The following SLC14A2 variants were observed in gnomAD, a reference collection of about 807,000 sequenced individuals.
SLC14A2 encodes the protein solute carrier family 14 member 2, also known as urea transporter 2.
A neutral mutation model predicts 104.6 loss-of-function variants in SLC14A2; 91 were observed. The observed-to-expected ratio is 0.87, with a 90% CI of 0.73 to 1.04. The LOEUF (loss-of-function observed/expected upper bound fraction) is 1.04, where lower values mean the gene tolerates loss of function less well. SLC14A2 is among the 50% of genes least tolerant of loss of function. The pLI, the probability that SLC14A2 is intolerant of heterozygous loss-of-function variation, is 0.00. For synonymous variants in SLC14A2, 476 were observed against 466.4 expected (o/e 1.02, Z -0.27); for missense variants, 1,189 against 1,156.0 (o/e 1.03, Z -0.41).
intron 1 of SLC14A2, among the ~76,000 whole-genome samples, chr18:45,314,428 C>A (rs1210312562): frequency 6.6e-6 from 1 of 152,178 alleles, no homozygotes; most frequent in Non-Finnish European, 1.5e-5. Context: ...CATGATAATG[C>A]AACCTCACAT....
At chr18:45,344,851 CT>C (rs1373703787) in intron 1 of SLC14A2, among the ~76,000 whole-genome samples, 1 of 152,202 alleles carries the variant, frequency 6.6e-6, no homozygotes, top group African/African-American at 2.4e-5. Context: ...ACCCCTCATG[CT>C]CTCACTATTG....
intron 1 of SLC14A2, among the ~76,000 whole-genome samples, chr18:45,476,637 C>G (rs1000531612): frequency 1.3e-5 from 2 of 152,054 alleles, no homozygotes; most frequent in Non-Finnish European, 2.9e-5. Context: ...TAGGTTTGGT[C>G]TTTTCACATA....
chr18:45,673,698 C>A lies in SLC14A2; in HGVS notation c.2393C>A (p.Thr798Lys), dbSNP rs769428059. The A allele has an allele frequency of 3.1e-6, 5 of 1,614,060 alleles. No homozygotes were observed. Among genetic ancestry groups the A allele is most frequent in the Non-Finnish European group, 8.5e-7 (1 of 1,179,938 alleles). ...MGMLAALTIA[T>K]PFDSIYFGLC... ...TCTGTCACAGCACTCACTATTGCGA[C>A]GCCCTTTGACTCCATCTACTTCGGC... Residue 798 changes from threonine (T) to lysine (K), a missense_variant, in exon 18 of 20, where the codon ACG becomes AAG. Thr to Lys is a moderately conservative substitution (Grantham distance 78). Coordinates refer to ENST00000255226, the MANE Select transcript of SLC14A2 (RefSeq NM_007163.4).
chr18:45,278,032 A>G lies in SLC14A2; in HGVS notation c.-125+64841A>G, dbSNP rs147798557. Among the ~76,000 whole-genome samples, 155 of 152,246 alleles carry G rather than the reference A, an allele frequency of 1.0e-3. 3 individuals carry two copies. Among genetic ancestry groups the G allele is most frequent in the African/African-American group, 3.4e-3 (140 of 41,526 alleles). ...GGACTTTACCTATGAGGTCAAACTCATGTATAGTTAGGGCGTTCCCCAAAC... is the reference window on the plus strand; with the variant it reads ...GGACTTTACCTATGAGGTCAAACTCGTGTATAGTTAGGGCGTTCCCCAAAC... On this transcript the variant is annotated intron_variant, in intron 1 of 20. Coordinates refer to the SLC14A2 transcript ENST00000586448.
intron 1 of SLC14A2, among the ~76,000 whole-genome samples, chr18:45,390,056 A>G (rs1357158739): frequency 1.3e-5 from 2 of 152,136 alleles, no homozygotes; most frequent in African/African-American, 2.4e-5. Flanking sequence ...TCTCGTTGGT[A>G]TTTGGGGGAG....
intron 10 of SLC14A2, chr18:45,647,910 AT>A (rs2045649874): frequency 6.6e-6 from 1 of 152,140 alleles, no homozygotes; most frequent in Non-Finnish European, 1.5e-5. Flanking sequence ...TTTTGGACAT[AT>A]AAAATTAAAT....
At chr18:45,451,257 C>T (rs1037554692) in intron 1 of SLC14A2, among the ~76,000 whole-genome samples, 3 of 152,002 alleles carry the variant, frequency 2.0e-5, no homozygotes, top group African/African-American at 7.3e-5. Flanking sequence ...CCTGAAAGAA[C>T]TTGCTGAAAG....
chr18:45,560,527 A>G (rs2044187247), intron 2 of SLC14A2, among the ~76,000 whole-genome samples: 1 of 152,178 alleles, frequency 6.6e-6, no homozygotes, highest in Admixed American at 6.5e-5. Flanking sequence ...TAGGAAGTTG[A>G]TTCCAGATAT....
chr18:45,416,923 G>T (rs1351417529), intron 1 of SLC14A2, among the ~76,000 whole-genome samples: 1 of 152,206 alleles, frequency 6.6e-6, no homozygotes, highest in Non-Finnish European at 1.5e-5. Flanking sequence ...GAGGGAAAAT[G>T]AGTGGGGTGT....
At chr18:45,488,383 A>C (rs1303977705) in intron 2 of SLC14A2, among the ~76,000 whole-genome samples, 1 of 152,192 alleles carries the variant, frequency 6.6e-6, no homozygotes, top group Non-Finnish European at 1.5e-5. Context: ...AGGGCAGGGC[A>C]GGGCAGGACA....
intron 1 of SLC14A2, among the ~76,000 whole-genome samples, chr18:45,359,313 A>G (rs902777123): frequency 3.9e-5 from 6 of 152,166 alleles, no homozygotes; most frequent in Admixed American, 3.9e-4. Context: ...GATGGGAAGC[A>G]GGCCCCCCCG....
At chr18:45,536,061 G>T (rs1432917178) in intron 2 of SLC14A2, among the ~76,000 whole-genome samples, 2 of 152,190 alleles carry the variant, frequency 1.3e-5, no homozygotes, top group African/African-American at 4.8e-5. Flanking sequence ...AAAATACAGG[G>T]ATATGAAGAA....
At chr18:45,338,107 C>A (rs964994212) in intron 1 of SLC14A2, among the ~76,000 whole-genome samples, 1 of 152,180 alleles carries the variant, frequency 6.6e-6, no homozygotes, top group Non-Finnish European at 1.5e-5. Context: ...TTCTTTCAAC[C>A]AATTGCCAGT....
the SLC14A2 span, among the ~76,000 whole-genome samples, chr18:45,177,398 T>C: frequency 6.6e-6 from 1 of 152,208 alleles, no homozygotes; most frequent in Non-Finnish European, 1.5e-5. Flanking sequence ...TGAAGATCAG[T>C]GTCCTTAAAA....
chr18:45,550,103 TTCA>T (rs2044036454), intron 2 of SLC14A2: 1 of 152,182 alleles, frequency 6.6e-6, no homozygotes, highest in Admixed American at 6.5e-5. Flanking sequence ...GAAGTCCTTC[TTCA>T]TGTAGAAGAG....
At chr18:45,229,055 C>G (rs912629910) in intron 1 of SLC14A2, among the ~76,000 whole-genome samples, 2 of 152,202 alleles carry the variant, frequency 1.3e-5, no homozygotes, top group South Asian at 2.1e-4. Flanking sequence ...AAGACTGTTT[C>G]GTTTACCATG....
At chr18:45,245,255 T>C (rs972665410) in intron 1 of SLC14A2, among the ~76,000 whole-genome samples, 3 of 152,116 alleles carry the variant, frequency 2.0e-5, no homozygotes, top group Non-Finnish European at 4.4e-5. Context: ...CCTTGAATCA[T>C]TTTATAACCC....
intron 1 of SLC14A2, among the ~76,000 whole-genome samples, chr18:45,363,414 G>A (rs1320367519): frequency 6.6e-6 from 1 of 152,154 alleles, no homozygotes; most frequent in Non-Finnish European, 1.5e-5. Flanking sequence ...TGAAAGGAGG[G>A]AGATCAGCAC....
intron 1 of SLC14A2, among the ~76,000 whole-genome samples, chr18:45,323,976 T>C (rs1264244644): frequency 1.3e-5 from 2 of 152,200 alleles, no homozygotes; most frequent in Non-Finnish European, 2.9e-5. Flanking sequence ...GGTTCAAGTT[T>C]AATGGCCATA....
Sources: gnomAD v4.1 joint callset for allele counts (sites outside exome capture counted in the v4.1 genomes callset) on GRCh38, gnomAD v4.1.1 for gene constraint, MANE v1.5 for transcripts, NCBI Gene and HGNC (gene_info 2026-07-23, HGNC 2026-07-21) for gene names.